SYTL5: variants seen among roughly 807,000 people sequenced by gnomAD.
SYTL5 encodes the protein synaptotagmin-like protein 5.
Under a neutral mutation model 55.9 loss-of-function variants are expected in SYTL5, and 34 were observed. The ratio of observed to expected loss-of-function variants is 0.61; its 90% CI spans 0.46 to 0.81. The LOEUF (loss-of-function observed/expected upper bound fraction) is 0.81. SYTL5 is among the 30% of genes least tolerant of loss of function. The probability of loss-of-function intolerance (pLI) is 0.00; values close to 1 mark genes in which losing one functional copy is unlikely to be tolerated. For missense variants in SYTL5, 637 were observed against 546.7 expected, an observed-to-expected ratio of 1.17 and a Z score of -1.65; for synonymous variants, 221 against 188.7, an observed-to-expected ratio of 1.17 and a Z score of -1.40.
In SYTL5 at chrX:38,062,430, CT is replaced by C. The variant is rs1273682419; in HGVS notation, c.329+8009del. ...ATTTTTGATTGATTGGTAATGATTA[CT>C]GCAATGGATAAAATATAACTGAAAT... On this transcript the variant is annotated intron_variant, in intron 3 of 16. Transcript: ENST00000297875. Among the ~76,000 whole-genome samples, 35 of 111,737 alleles carry C rather than the reference CT, an allele frequency of 3.1e-4. No homozygotes were observed. In the Admixed American group the frequency reaches 3.3e-3, roughly 11 times the overall value.
At chrX:37,955,491 C>T in the SYTL5 span, among the ~76,000 whole-genome samples, 3 of 111,851 alleles carry the variant, frequency 2.7e-5, no homozygotes, top group East Asian at 2.8e-4. Flanking sequence ...GAATTATCTG[C>T]CAACATCGTC....
intron 12 of SYTL5, 74 bp downstream of exon 12, chrX:38,108,773 G>T (rs1465848192): frequency 3.2e-6 from 2 of 630,107 alleles, no homozygotes; most frequent in Non-Finnish European, 4.9e-6. Context: ...TAACTACAGA[G>T]AATATTTTAT....
the SYTL5 span, among the ~76,000 whole-genome samples, chrX:37,996,144 A>G: frequency 8.9e-6 from 1 of 112,033 alleles, no homozygotes; most frequent in Non-Finnish European, 1.9e-5. Context: ...TGGGAGAGTC[A>G]GCAGGAGGCA....
At position 38,047,065 on chromosome X, in the gene SYTL5, G is replaced by A. The variant is rs750265769; in HGVS notation, c.120-7148G>A. ...CAGCCTCCCTCCTGGCTGCTTTCAC[G>A]GGCTGATGTTGAGTGTCTGTGGCTT... On this transcript the variant is annotated intron_variant, in intron 2 of 16. Transcript: ENST00000297875. Among the ~76,000 whole-genome samples, 23 of 112,109 alleles carry A rather than the reference G, an allele frequency of 2.1e-4. 1 individual carries two copies. Among genetic ancestry groups the A allele is most frequent in the Admixed American group, 5.6e-4 (6 of 10,647 alleles).
intron 6 of SYTL5, among the ~76,000 whole-genome samples, chrX:38,086,740 T>C (rs1470401495): frequency 8.9e-6 from 1 of 112,466 alleles, no homozygotes; most frequent in East Asian, 2.8e-4. Flanking sequence ...GTGTATTTTA[T>C]GTCATATTTT....
the SYTL5 span, among the ~76,000 whole-genome samples, chrX:37,904,896 G>T: frequency 1.8e-5 from 2 of 110,629 alleles, no homozygotes; most frequent in South Asian, 7.9e-4. Flanking sequence ...CCTCACCCTT[G>T]CCAGGGCTAA....
At chrX:38,007,881 C>A (rs893734198) in intron 1 of SYTL5, among the ~76,000 whole-genome samples, 2 of 111,314 alleles carry the variant, frequency 1.8e-5, no homozygotes, top group African/African-American at 6.5e-5. Flanking sequence ...CATGCTTTTT[C>A]TATGTATTTA....
intron 4 of SYTL5, among the ~76,000 whole-genome samples, chrX:38,073,387 T>C (rs1313542275): frequency 1.8e-5 from 2 of 111,895 alleles, no homozygotes; most frequent in Non-Finnish European, 3.8e-5. Flanking sequence ...GAGTTCAGGA[T>C]CTTTGTCTTC....
intron 6 of SYTL5, among the ~76,000 whole-genome samples, chrX:38,087,648 T>C (rs922968877): frequency 8.9e-6 from 1 of 111,744 alleles, no homozygotes; most frequent in Non-Finnish European, 1.9e-5. Flanking sequence ...ACATAGAAAA[T>C]TTTCATAATT....
chrX:38,004,390 A>T (rs1188585974), upstream of SYTL5, among the ~76,000 whole-genome samples: 1 of 111,930 alleles, frequency 8.9e-6, no homozygotes, highest in Admixed American at 9.5e-5. Context: ...TTCAAAATAG[A>T]GCTACCATAT....
chrX:38,014,612 A>G (rs1391300831), intron 1 of SYTL5, among the ~76,000 whole-genome samples: 1 of 111,868 alleles, frequency 8.9e-6, no homozygotes, highest in Non-Finnish European at 1.9e-5. Context: ...GGGAGCCGTG[A>G]GACATCAATC....
Position 38,106,707 on chromosome X carries a change from T to C in SYTL5, c.1270T>C (p.Tyr424His). Residue 424 changes from tyrosine (Y) to histidine (H), a missense_variant, in exon 11 of 17, where the codon TAC becomes CAC. Transcript: ENST00000297875. The part of the protein sequence containing the change: ...ISYCYKTGGL[Y>H]IFVKNCRNLA... ...CTACTGCTACAAAACTGGTGGGCTG[T>C]ACATTTTTGTCAAGAATTGCAGAAA... 2 of 1,208,133 alleles carry C rather than the reference T, an allele frequency of 1.7e-6. No individual in the cohort carries two copies. Among genetic ancestry groups the C allele is most frequent in the Non-Finnish European group, 2.2e-6 (2 of 894,179 alleles).
intron 5 of SYTL5, among the ~76,000 whole-genome samples, chrX:38,075,912 C>T (rs1985751913): frequency 8.9e-6 from 1 of 112,239 alleles, no homozygotes; most frequent in African/African-American, 3.2e-5. Flanking sequence ...TATCCTGGAT[C>T]AGGACTTTAA....
At position 38,073,716 on chromosome X, in the gene SYTL5, TG is replaced by T; in HGVS notation, c.554+19del. Reference sequence around the variant, plus strand: ...AGAAAGGGGTAAGACATGGTCTTTCTGAGGGAATTTTTGATCTTTATTCCAG... The same window carrying T: ...AGAAAGGGGTAAGACATGGTCTTTCTAGGGAATTTTTGATCTTTATTCCAG... On this transcript the variant is annotated intron_variant, in intron 5 of 16. Coordinates refer to ENST00000297875, the MANE Select transcript of SYTL5 (RefSeq NM_138780.3). The T allele has an allele frequency of 4.6e-6, 5 of 1,092,918 alleles. No homozygotes were observed. Among genetic ancestry groups the T allele is most frequent in the Non-Finnish European group, 6.2e-6 (5 of 808,678 alleles). 90.1% of individuals were successfully genotyped at this position (1,092,918 alleles called of 1,213,427 possible). A position where few individuals can be genotyped will look rare whatever the true frequency, so the allele number is the denominator to read the frequency against.
the SYTL5 span, among the ~76,000 whole-genome samples, chrX:37,935,448 T>C: frequency 1.8e-5 from 2 of 112,411 alleles, no homozygotes; most frequent in African/African-American, 6.5e-5. Context: ...GTTAAACATA[T>C]ATAAAGTATA....
chrX:38,075,569 A>G (rs890552430), intron 5 of SYTL5, among the ~76,000 whole-genome samples: 5 of 111,583 alleles, frequency 4.5e-5, no homozygotes, highest in Non-Finnish European at 7.5e-5. Flanking sequence ...GGCAGAGGAG[A>G]TACCTTAAGT....
rs376473841 is a variant in SYTL5, at chrX:38,054,340, G to C, written c.247G>C (p.Ala83Pro). Residue 83 changes from alanine to proline, a missense_variant, in exon 3 of 17, where the codon GCT becomes CCT. Ala to Pro is a conservative substitution (Grantham distance 27). Coordinates refer to ENST00000297875, the MANE Select transcript of SYTL5 (RefSeq NM_138780.3). ...CTTTGACCGGGGAGACCCTTGTCAG[G>C]CTTGCTCACTGAGGGTATGCAGGGA... ...LIFDRGDPCQACSLRVCRECR... is the reference protein window; with the variant it reads ...LIFDRGDPCQPCSLRVCRECR... 17 of 1,209,340 alleles carry C rather than the reference G, an allele frequency of 1.4e-5. No individual in the cohort carries two copies. Among genetic ancestry groups the C allele is most frequent in the Non-Finnish European group, 1.9e-5 (17 of 894,976 alleles).
At chrX:38,087,933 T>C (rs1446198105) in intron 6 of SYTL5, among the ~76,000 whole-genome samples, 1 of 111,683 alleles carries the variant, frequency 9.0e-6, no homozygotes, top group Non-Finnish European at 1.9e-5. Flanking sequence ...CATGCATACA[T>C]GTATGGAATA....
At chrX:37,893,660 ATC>A in the SYTL5 span, among the ~76,000 whole-genome samples, 1 of 72,328 alleles carries the variant, frequency 1.4e-5, no homozygotes, top group African/African-American at 7.3e-5. Flanking sequence ...TATATATAAA[ATC>A]TATATATATA....
Sources: allele counts gnomAD v4.1 joint callset (sites outside exome capture counted in the v4.1 genomes callset), GRCh38; gene constraint gnomAD v4.1.1; transcripts MANE v1.5; gene names NCBI Gene and HGNC (gene_info 2026-07-23, HGNC 2026-07-21).